The following FLI1 variants were observed in gnomAD, a reference collection of about 807,000 sequenced individuals.
FLI1 encodes the protein Friend leukemia integration 1 transcription factor.
Under a neutral mutation model 53.1 loss-of-function variants are expected in FLI1, and 13 were observed. The ratio of observed to expected loss-of-function variants is 0.24; its 90% CI spans 0.16 to 0.39. The LOEUF is 0.39. Ranked by LOEUF, FLI1 falls within the 10% of genes least tolerant of loss-of-function variation. The pLI, the probability that FLI1 is intolerant of heterozygous loss-of-function variation, is 1.00. For synonymous variants in FLI1, 244 were observed against 236.7 expected (o/e 1.03, Z -0.28); for missense variants, 424 against 600.5 (o/e 0.71, Z 3.07).
At chr11:128,746,469 A>G (rs1010084726) in intron 1 of FLI1, among the ~76,000 whole-genome samples, 2 of 152,208 alleles carry the variant, frequency 1.3e-5, no homozygotes, top group African/African-American at 2.4e-5. Context: ...CCCATCCTTT[A>G]GGATCTGAAT....
At chr11:128,697,032 A>G (rs977597509) in intron 1 of FLI1, among the ~76,000 whole-genome samples, 3 of 152,170 alleles carry the variant, frequency 2.0e-5, no homozygotes, top group Admixed American at 6.5e-5. Flanking sequence ...TCTGACCGTC[A>G]CATTGGGAGA....
rs908826547 is a variant in FLI1 at position 128,811,039 on chromosome 11, T to G, written c.*51T>G. Reference sequence around the variant, plus strand: ...GCTGAAGCCCATCCTGCACACTTACTGGATGCTTTGGACTCAACAGGACAT... The same window carrying G: ...GCTGAAGCCCATCCTGCACACTTACGGGATGCTTTGGACTCAACAGGACAT... On this transcript the variant is annotated 3_prime_UTR_variant, in exon 9 of 9. Coordinates refer to ENST00000527786, the MANE Select transcript of FLI1 (RefSeq NM_002017.5). The G allele has an allele frequency of 1.3e-6, 2 of 1,540,844 alleles. No homozygotes were observed. Among genetic ancestry groups the G allele is most frequent in the Non-Finnish European group, 1.8e-6 (2 of 1,114,086 alleles).
intron 5 of FLI1, chr11:128,804,389 GC>G (rs1942719890): frequency 6.6e-6 from 1 of 152,172 alleles, no homozygotes; most frequent in Non-Finnish European, 1.5e-5. Context: ...TGCTATTCCT[GC>G]TCAATGTCTC....
At position 128,811,292 on chromosome 11, in the gene FLI1, G is replaced by C. The variant is rs1268611815; in HGVS notation, c.*304G>C. The C allele has an allele frequency of 2.2e-6, 1 of 444,892 alleles. No individual in the cohort carries two copies. The highest frequency in any genetic ancestry group is 4.0e-6 in the Non-Finnish European group (1 of 248,666). 27.6% of individuals were successfully genotyped at this position (444,892 alleles called of 1,614,324 possible). The stretch of plus-strand genomic sequence containing the variant: ...TGGAATGGTTAAGTCATGGTTCTGA[G>C]AAAGAAGCTGTACGTTTTCTTTATG... On this transcript the variant is annotated 3_prime_UTR_variant, in exon 9 of 9. Transcript: ENST00000527786.
At chr11:128,802,335 G>C (rs1008368750) in intron 5 of FLI1, among the ~76,000 whole-genome samples, 2 of 152,196 alleles carry the variant, frequency 1.3e-5, no homozygotes, top group Admixed American at 1.3e-4. Flanking sequence ...TTAAACCCCA[G>C]AGCCAATGTG....
chr11:128,718,776 T>C (rs992018716), intron 1 of FLI1, among the ~76,000 whole-genome samples: 6 of 152,234 alleles, frequency 3.9e-5, no homozygotes, highest in East Asian at 1.9e-4. Context: ...TCTTAGTGAA[T>C]AGCAGTCGAC....
chr11:128,773,840 G>A (rs1941649593), intron 4 of FLI1, among the ~76,000 whole-genome samples: 1 of 151,758 alleles, frequency 6.6e-6, no homozygotes, highest in Admixed American at 6.6e-5. Flanking sequence ...ATGGTGCTAG[G>A]ATCACAGGAA....
chr11:128,744,534 G>T (rs1940291082), intron 1 of FLI1, among the ~76,000 whole-genome samples: 1 of 152,230 alleles, frequency 6.6e-6, no homozygotes, highest in South Asian at 2.1e-4. Context: ...AGAGATTAAA[G>T]AACTTGTCCA....
In FLI1 at chr11:128,812,544, T is replaced by C. The variant is rs557923086; in HGVS notation, c.*1556T>C. 2 of 224,856 alleles carry C rather than the reference T, an allele frequency of 8.9e-6. No individual in the cohort carries two copies. The highest frequency in any genetic ancestry group is 1.8e-4 in the South Asian group (1 of 5,466). 13.9% of individuals were successfully genotyped at this position (224,856 alleles called of 1,614,324 possible). ...GTACCTACTGCAGTACAGCAGAAGG[T>C]AAAAAATCAGTGTGGTTTTTCATTG... On this transcript the variant is annotated 3_prime_UTR_variant, in exon 9 of 9. Transcript: ENST00000527786.
intron 1 of FLI1, among the ~76,000 whole-genome samples, chr11:128,744,333 C>T (rs1390302876): frequency 3.3e-5 from 5 of 152,142 alleles, no homozygotes; most frequent in Admixed American, 1.3e-4. Flanking sequence ...AGGGATCTTA[C>T]GGATCATGTA....
chr11:128,686,559 C>T (rs1215910824), exon 1 of FLI1: 8 of 439,472 alleles, frequency 1.8e-5, no homozygotes, highest in Non-Finnish European at 4.6e-6. Context: ...TGCATCCCCA[C>T]TTCATCACCA....
chr11:128,727,111 C>T (rs569820044), intron 1 of FLI1, among the ~76,000 whole-genome samples: 6 of 152,190 alleles, frequency 3.9e-5, no homozygotes, highest in Admixed American at 3.9e-4. Context: ...TAGGCATGTC[C>T]GTAGTTGAAA....
rs373145727 is a variant in FLI1, at chr11:128,765,870, G to A, written c.231-2248G>A. Among the ~76,000 whole-genome samples the A allele has an allele frequency of 4.1e-3, 629 of 152,164 alleles. 1 individual carries two copies. The highest frequency in any genetic ancestry group is 7.1e-3 in the Non-Finnish European group (485 of 67,992). ...GAATGTGTGTGCAGATGAAGTGTAC[G>A]TGCATGTGTGTGCATGTTCTCTGTG... On this transcript the variant is annotated intron_variant, in intron 2 of 8. Coordinates refer to ENST00000527786, the MANE Select transcript of FLI1 (RefSeq NM_002017.5).
intron 1 of FLI1, among the ~76,000 whole-genome samples, chr11:128,695,245 A>C (rs961574107): frequency 2.0e-5 from 3 of 152,272 alleles, no homozygotes; most frequent in African/African-American, 7.2e-5. Flanking sequence ...TCACTTCAGA[A>C]AAGTTGACTG....
Position 128,811,075 on chromosome 11 carries a change from G to C in FLI1, c.*87G>C. Reference sequence around the variant, plus strand: ...GACTCAACAGGACATATGTGGCCTTGAAGGGAAGACAAAACTGGATGTTCT... The same window carrying C: ...GACTCAACAGGACATATGTGGCCTTCAAGGGAAGACAAAACTGGATGTTCT... On this transcript the variant is annotated 3_prime_UTR_variant, in exon 9 of 9. Transcript: ENST00000527786. 1 of 1,259,428 alleles carries C rather than the reference G, an allele frequency of 7.9e-7. No homozygotes were observed. The highest frequency in any genetic ancestry group is 1.1e-6 in the Non-Finnish European group (1 of 877,968). 78.0% of individuals were successfully genotyped at this position (1,259,428 alleles called of 1,614,324 possible).
At chr11:128,720,269 A>G (rs976194423) in intron 1 of FLI1, among the ~76,000 whole-genome samples, 1 of 152,148 alleles carries the variant, frequency 6.6e-6, no homozygotes, top group Non-Finnish European at 1.5e-5. Context: ...AGTACAGCAA[A>G]CCACTAAACA....
At chr11:128,688,571 C>T (rs1329137717) in intron 1 of FLI1, among the ~76,000 whole-genome samples, 1 of 152,072 alleles carries the variant, frequency 6.6e-6, no homozygotes, top group Non-Finnish European at 1.5e-5. Flanking sequence ...CAGGCCCAGG[C>T]GCCCAGGCCC....
At chr11:128,753,669 C>T (rs1055699497) in intron 1 of FLI1, among the ~76,000 whole-genome samples, 2 of 152,260 alleles carry the variant, frequency 1.3e-5, no homozygotes, top group African/African-American at 4.8e-5. Flanking sequence ...ATAAGACACA[C>T]ATGAAGTAGC....
chr11:128,760,227 T>C (rs1308611904), intron 2 of FLI1, among the ~76,000 whole-genome samples: 1 of 152,208 alleles, frequency 6.6e-6, no homozygotes, highest in African/African-American at 2.4e-5. Context: ...TTACTGTAAC[T>C]TCACTGTTAC....
Sources: gnomAD v4.1 joint callset for allele counts (sites outside exome capture counted in the v4.1 genomes callset) on GRCh38, gnomAD v4.1.1 for gene constraint, MANE v1.5 for transcripts, NCBI Gene and HGNC (gene_info 2026-07-23, HGNC 2026-07-21) for gene names.